The following SLC35F1 variants were observed in gnomAD, a reference collection of about 807,000 sequenced individuals.
SLC35F1 encodes chromosome 6 open reading frame 169.
SLC35F1 carries 14 observed loss-of-function variants against 48.7 expected under a neutral mutation model. The ratio of observed to expected loss-of-function variants is 0.29; its 90% CI spans 0.19 to 0.45. The LOEUF (loss-of-function observed/expected upper bound fraction) is 0.45. Ranked by LOEUF, SLC35F1 falls within the 20% of genes least tolerant of loss-of-function variation. The pLI is 1.00. For missense variants in SLC35F1, 404 were observed against 500.0 expected, an observed-to-expected ratio of 0.81 and a Z score of 1.83; for synonymous variants, 190 against 202.2, an observed-to-expected ratio of 0.94 and a Z score of 0.51.
At chr6:118,227,903 T>C (rs1248946764) in intron 2 of SLC35F1, among the ~76,000 whole-genome samples, 2 of 152,188 alleles carry the variant, frequency 1.3e-5, no homozygotes, top group Admixed American at 6.5e-5. Flanking sequence ...GTTTCTTCTC[T>C]TGTCTTTCTT....
intron 5 of SLC35F1, 78 bp downstream of exon 5, chr6:118,275,693 T>C: frequency 6.9e-7 from 1 of 1,441,058 alleles, no homozygotes; most frequent in Non-Finnish European, 9.5e-7. Context: ...TCTTGGGATG[T>C]AAAAATCAAG....
chr6:118,101,832 T>G (rs999095060), intron 1 of SLC35F1, among the ~76,000 whole-genome samples: 9 of 152,232 alleles, frequency 5.9e-5, no homozygotes, highest in African/African-American at 1.7e-4. Context: ...TGTTTATAAT[T>G]TACTCAAAAC....
At chr6:117,948,246 ATT>A (rs539694687) in intron 1 of SLC35F1, among the ~76,000 whole-genome samples, 155 of 152,026 alleles carry the variant, frequency 1.0e-3, no homozygotes, top group Non-Finnish European at 1.9e-3. Flanking sequence ...ATACCACTTC[ATT>A]TTTTTTACAG....
chr6:118,143,003 C>T (rs205969), intron 1 of SLC35F1, among the ~76,000 whole-genome samples: 4,992 of 152,236 alleles, frequency 0.033, 205 homozygotes, highest in African/African-American at 0.084. Flanking sequence ...AATTGATTAT[C>T]TCAGTTGATT....
At chr6:118,000,658 T>G (rs1235256400) in intron 1 of SLC35F1, among the ~76,000 whole-genome samples, 2 of 152,230 alleles carry the variant, frequency 1.3e-5, no homozygotes, top group African/African-American at 2.4e-5. Context: ...GAAGTCAAAT[T>G]GTCCCTGTTT....
intron 2 of SLC35F1, among the ~76,000 whole-genome samples, chr6:118,188,709 T>G (rs1415558615): frequency 6.6e-6 from 1 of 152,214 alleles, no homozygotes; most frequent in Non-Finnish European, 1.5e-5. Context: ...CACATTTTCT[T>G]TATCCTTTCA....
intron 1 of SLC35F1, among the ~76,000 whole-genome samples, chr6:117,915,483 A>G (rs1775815086): frequency 1.3e-5 from 2 of 152,140 alleles, no homozygotes; most frequent in African/African-American, 4.8e-5. Flanking sequence ...AAAGATGGGT[A>G]GGAAAGGAAT....
At chr6:118,234,095 G>A (rs1040963824) in intron 2 of SLC35F1, among the ~76,000 whole-genome samples, 2 of 152,138 alleles carry the variant, frequency 1.3e-5, no homozygotes, top group Non-Finnish European at 2.9e-5. Flanking sequence ...TCTGAGAGTG[G>A]TCCAAATACA....
chr6:118,142,241 C>T (rs1481479659), intron 1 of SLC35F1, among the ~76,000 whole-genome samples: 1 of 152,102 alleles, frequency 6.6e-6, no homozygotes, highest in Non-Finnish European at 1.5e-5. Flanking sequence ...CCAGCCCCCT[C>T]ATCATTGTCT....
intron 4 of SLC35F1, among the ~76,000 whole-genome samples, chr6:118,272,729 A>ATG (rs61289426): frequency 0.41 from 56,125 of 138,410 alleles, 11,798 homozygotes; most frequent in Middle Eastern, 0.49. Flanking sequence ...AAAAATATAT[A>ATG]TGTGTGTGTA....
At chr6:117,963,134 T>C (rs1227051394) in intron 1 of SLC35F1, among the ~76,000 whole-genome samples, 1 of 152,100 alleles carries the variant, frequency 6.6e-6, no homozygotes, top group Non-Finnish European at 1.5e-5. Context: ...ATACCTAAGG[T>C]TGTGGCTTGC....
chr6:118,236,542 A>C (rs1470858507), intron 3 of SLC35F1, among the ~76,000 whole-genome samples: 2 of 152,236 alleles, frequency 1.3e-5, no homozygotes, highest in Non-Finnish European at 2.9e-5. Flanking sequence ...ACTTGAAAAA[A>C]TTAGATGAAA....
chr6:118,265,329 A>G (rs1435464866), intron 3 of SLC35F1, among the ~76,000 whole-genome samples: 4 of 152,178 alleles, frequency 2.6e-5, no homozygotes, highest in Non-Finnish European at 5.9e-5. Flanking sequence ...TTTGTTCAAT[A>G]ACTCTTATTG....
At chr6:118,249,138 G>C (rs1775542051) in intron 3 of SLC35F1, among the ~76,000 whole-genome samples, 1 of 152,204 alleles carries the variant, frequency 6.6e-6, no homozygotes, top group Non-Finnish European at 1.5e-5. Flanking sequence ...TAAGCCACCA[G>C]TCTATGGTAT....
At chr6:118,079,835 T>C (rs1004079623) in intron 1 of SLC35F1, among the ~76,000 whole-genome samples, 3 of 152,218 alleles carry the variant, frequency 2.0e-5, no homozygotes, top group South Asian at 2.1e-4. Context: ...GAGACACCTC[T>C]GACCGCTTGA....
At chr6:118,149,079 A>G (rs1774017527) in intron 1 of SLC35F1, among the ~76,000 whole-genome samples, 1 of 152,196 alleles carries the variant, frequency 6.6e-6, no homozygotes, top group African/African-American at 2.4e-5. Flanking sequence ...GGCACTAGAA[A>G]CAGAAAAGAA....
At chr6:118,234,018 T>C (rs936437222) in intron 2 of SLC35F1, among the ~76,000 whole-genome samples, 1 of 152,158 alleles carries the variant, frequency 6.6e-6, no homozygotes, top group East Asian at 1.9e-4. Context: ...CTTCATAGGG[T>C]TGGAAAGACC....
chr6:118,179,452 T>C (rs1306578864), intron 2 of SLC35F1, among the ~76,000 whole-genome samples: 1 of 152,152 alleles, frequency 6.6e-6, no homozygotes. Flanking sequence ...TCTGCCTTTT[T>C]GTTCTGTCTG....
intron 1 of SLC35F1, among the ~76,000 whole-genome samples, chr6:118,040,733 T>A (rs188006316): frequency 2.6e-5 from 4 of 151,742 alleles, no homozygotes; most frequent in Non-Finnish European, 2.9e-5. Flanking sequence ...AGGCCTCAGT[T>A]AACTCAGTCC....
Sources: gnomAD v4.1 joint callset for allele counts (sites outside exome capture counted in the v4.1 genomes callset) on GRCh38, gnomAD v4.1.1 for gene constraint, MANE v1.5 for transcripts, NCBI Gene and HGNC (gene_info 2026-07-23, HGNC 2026-07-21) for gene names.